PTPRE: variants seen among roughly 807,000 people sequenced by gnomAD.
PTPRE encodes the protein protein tyrosine phosphatase receptor type E, also known as receptor-type tyrosine-protein phosphatase epsilon.
In PTPRE, 51 loss-of-function variants were observed where a neutral mutation model predicts 102.0. The observed-to-expected ratio is 0.50, with a 90% CI of 0.40 to 0.63. The LOEUF is 0.63. Among genes scored for constraint, PTPRE ranks in the 30% least tolerant of loss-of-function variants. The probability of loss-of-function intolerance (pLI) is 0.00; values close to 1 mark genes in which losing one functional copy is unlikely to be tolerated. For missense variants in PTPRE, 752 were observed against 915.1 expected, an observed-to-expected ratio of 0.82 and a Z score of 2.30; for synonymous variants, 345 against 348.2, an observed-to-expected ratio of 0.99 and a Z score of 0.10.
intron 9 of PTPRE, among the ~76,000 whole-genome samples, chr10:128,062,414 C>T (rs1390223609): frequency 2.0e-5 from 3 of 152,252 alleles, no homozygotes; most frequent in African/African-American, 7.2e-5. Context: ...GGAAACCTGA[C>T]GATCCTGGCT....
chr10:127,942,004 G>A (rs1323764074), intron 1 of PTPRE, among the ~76,000 whole-genome samples: 1 of 151,742 alleles, frequency 6.6e-6, no homozygotes. Context: ...AAATATTGAT[G>A]TTTATCTGCA....
intron 9 of PTPRE, chr10:128,062,865 C>T (rs1849730071): frequency 2.8e-6 from 2 of 716,710 alleles, no homozygotes; most frequent in African/African-American, 3.6e-5. Context: ...GCCCAATTAT[C>T]TTGCCCACTG....
intron 2 of PTPRE, chr10:127,999,193 T>C (rs1309020536): frequency 6.6e-6 from 1 of 152,206 alleles, no homozygotes; most frequent in East Asian, 1.9e-4. Flanking sequence ...GTACACTTTT[T>C]TGTTAAAAGG....
At chr10:128,048,883 T>C (rs1220131057) in intron 5 of PTPRE, among the ~76,000 whole-genome samples, 1 of 152,092 alleles carries the variant, frequency 6.6e-6, no homozygotes, top group Admixed American at 6.6e-5. Flanking sequence ...ACCTTGTCAA[T>C]ATCAGCTCAT....
At chr10:128,025,179 A>G (rs1047558212) in intron 2 of PTPRE, among the ~76,000 whole-genome samples, 1 of 151,564 alleles carries the variant, frequency 6.6e-6, no homozygotes, top group Non-Finnish European at 1.5e-5. Flanking sequence ...AAAAAAAAAA[A>G]AAGAACAGAA....
chr10:128,057,198 C>G (rs1010779859), intron 7 of PTPRE, among the ~76,000 whole-genome samples: 3 of 149,812 alleles, frequency 2.0e-5, no homozygotes, highest in African/African-American at 7.4e-5. Context: ...GCCTGGGGAA[C>G]AAGAGCGAAA....
intron 2 of PTPRE, among the ~76,000 whole-genome samples, chr10:128,002,683 CTTTTTTTTTTTTTTTTTTTTTT>C (rs59007980): frequency 1.2e-4 from 5 of 41,154 alleles, no homozygotes; most frequent in African/African-American, 5.3e-4. Context: ...AGTCACATAT[CTTTTTTTTTTTTTTTTTTTTTT>C]TTTTTTTTTT....
intron 1 of PTPRE, among the ~76,000 whole-genome samples, chr10:127,959,068 G>A (rs915821610): frequency 2.6e-5 from 4 of 152,030 alleles, no homozygotes; most frequent in African/African-American, 7.2e-5. Context: ...CGCTAATTTC[G>A]TATTTTTAGT....
rs3186827 is a variant in PTPRE, at chr10:128,084,857, C to T, written c.*1951C>T. 2.9e-4 allele frequency: 49 copies of T among 171,852 alleles called. No homozygotes were observed. The highest frequency in any genetic ancestry group is 1.1e-3 in the African/African-American group (46 of 42,332). The allele number at this position is 171,852 out of a possible 1,614,324, so 10.6% of individuals were successfully genotyped here. ...GTTCGAAGTCAAAGTCGAGGGGCAC[C>T]GGCTTTGGTTCATGTCTAGGAGCCC... On this transcript the variant is annotated 3_prime_UTR_variant, in exon 21 of 21. Transcript: ENST00000254667.
intron 2 of PTPRE, among the ~76,000 whole-genome samples, chr10:128,014,176 AC>A (rs1845241266): frequency 6.6e-6 from 1 of 152,060 alleles, no homozygotes; most frequent in Non-Finnish European, 1.5e-5. Context: ...TTTGGCAGGG[AC>A]CCCAGCTCCA....
intron 1 of PTPRE, among the ~76,000 whole-genome samples, chr10:127,956,628 A>T (rs1849423803): frequency 6.6e-6 from 1 of 152,218 alleles, no homozygotes; most frequent in African/African-American, 2.4e-5. Flanking sequence ...AAGTGTGTTT[A>T]GTTTTATAAG....
chr10:127,919,250 T>C (rs1447652405), intron 1 of PTPRE, among the ~76,000 whole-genome samples: 1 of 152,258 alleles, frequency 6.6e-6, no homozygotes, highest in Non-Finnish European at 1.5e-5. Flanking sequence ...ACCTTTCTCA[T>C]AGGTTTGAAT....
chr10:128,064,285 G>A (rs1804082374), intron 10 of PTPRE, among the ~76,000 whole-genome samples: 1 of 152,380 alleles, frequency 6.6e-6, no homozygotes, highest in African/African-American at 2.4e-5. Flanking sequence ...ACCGTTTCTG[G>A]TCAGGAATAG....
chr10:128,069,849 C>A (rs755287741), intron 13 of PTPRE, 22 bp downstream of exon 13: 1 of 1,614,208 alleles, frequency 6.2e-7, no homozygotes, highest in South Asian at 1.1e-5. Context: ...CTTCCTCTTG[C>A]CCTGATCTAG....
rs4750684 is a variant in PTPRE at position 128,085,027 on chromosome 10, G to A, written c.*2121G>A. On this transcript the variant is annotated 3_prime_UTR_variant, in exon 21 of 21. Transcript: ENST00000254667. ...CTGTCCCCTTAGACCAACCCCAGGTGTCCACTGCAGGGGTTCTGCCTGTTC... is the reference window on the plus strand; with the variant it reads ...CTGTCCCCTTAGACCAACCCCAGGTATCCACTGCAGGGGTTCTGCCTGTTC... 3.3e-5 allele frequency: 15 copies of A among 448,858 alleles called. No individual in the cohort carries two copies. The highest frequency in any genetic ancestry group is 4.9e-5 in the Non-Finnish European group (11 of 223,454). 27.8% of individuals were successfully genotyped at this position (448,858 alleles called of 1,614,324 possible). A position where few individuals can be genotyped will look rare whatever the true frequency, so the allele number is the denominator to read the frequency against.
intron 2 of PTPRE, among the ~76,000 whole-genome samples, chr10:127,997,716 C>T (rs1853415214): frequency 6.6e-6 from 1 of 152,114 alleles, no homozygotes; most frequent in South Asian, 2.1e-4. Context: ...TGAATGTGAA[C>T]TAACAACAAA....
At chr10:128,001,604 G>A (rs1272982012) in intron 2 of PTPRE, among the ~76,000 whole-genome samples, 3 of 152,200 alleles carry the variant, frequency 2.0e-5, no homozygotes, top group African/African-American at 7.2e-5. Flanking sequence ...CCAGTACAGT[G>A]CACAGGCAGG....
At chr10:128,057,745 G>T (rs1044228005) in intron 7 of PTPRE, among the ~76,000 whole-genome samples, 5 of 152,206 alleles carry the variant, frequency 3.3e-5, no homozygotes, top group African/African-American at 1.2e-4. Context: ...AGGAGGTCAT[G>T]TGGTGGCCAC....
chr10:128,079,183 G>A (rs889617840), intron 19 of PTPRE, among the ~76,000 whole-genome samples: 1 of 152,138 alleles, frequency 6.6e-6, no homozygotes, highest in African/African-American at 2.4e-5. Context: ...ACCTGAACTG[G>A]GAGGGTTTGC....
Sources: gnomAD v4.1 joint callset for allele counts (sites outside exome capture counted in the v4.1 genomes callset) on GRCh38, gnomAD v4.1.1 for gene constraint, MANE v1.5 for transcripts, NCBI Gene and HGNC (gene_info 2026-07-23, HGNC 2026-07-21) for gene names.